The following GAS2 variants were observed in gnomAD, a reference collection of about 807,000 sequenced individuals.
GAS2 encodes the protein growth arrest-specific protein 2.
A neutral mutation model predicts 37.5 loss-of-function variants in GAS2; 20 were observed. The ratio of observed to expected loss-of-function variants is 0.53; its 90% CI spans 0.37 to 0.77. GAS2 has a LOEUF of 0.77. Ranked by LOEUF, GAS2 falls within the 30% of genes least tolerant of loss-of-function variation. GAS2 has a pLI of 0.00. For synonymous variants in GAS2, 144 were observed against 132.2 expected (o/e 1.09, Z -0.61); for missense variants, 336 against 373.4 (o/e 0.90, Z 0.82).
At chr11:22,715,236 C>G (rs1021803387) in intron 3 of GAS2, among the ~76,000 whole-genome samples, 5 of 151,750 alleles carry the variant, frequency 3.3e-5, no homozygotes, top group Admixed American at 6.6e-5. Flanking sequence ...CCAAGGCAGG[C>G]GGATCACCAG....
chr11:22,807,629 C>T (rs569996726), intron 7 of GAS2, among the ~76,000 whole-genome samples: 1 of 152,260 alleles, frequency 6.6e-6, no homozygotes, highest in South Asian at 2.1e-4. Flanking sequence ...TCCTATTGCT[C>T]TCTGCGTGGA....
At chr11:22,656,604 AC>A (rs1406931820) in intron 1 of GAS2, among the ~76,000 whole-genome samples, 2 of 152,254 alleles carry the variant, frequency 1.3e-5, no homozygotes, top group African/African-American at 4.8e-5. Flanking sequence ...TCACGAGTCC[AC>A]AATCAAAAGG....
chr11:22,723,332 G>A (rs1852036141), intron 3 of GAS2, among the ~76,000 whole-genome samples: 1 of 151,948 alleles, frequency 6.6e-6, no homozygotes, highest in East Asian at 1.9e-4. Context: ...CAATATGATT[G>A]CACTGAATTT....
intron 1 of GAS2, among the ~76,000 whole-genome samples, chr11:22,640,550 TA>T (rs1858896815): frequency 6.6e-6 from 1 of 152,144 alleles, no homozygotes; most frequent in Admixed American, 6.6e-5. Flanking sequence ...CTCAAGCATA[TA>T]AAGAGAACTT....
chr11:22,645,291 C>T (rs1232700891), intron 1 of GAS2, among the ~76,000 whole-genome samples: 4 of 152,042 alleles, frequency 2.6e-5, no homozygotes, highest in South Asian at 2.1e-4. Context: ...GGGCAGATCA[C>T]GAGGTAAGGA....
At chr11:22,661,683 A>G (rs915238721), upstream of GAS2, among the ~76,000 whole-genome samples, 1 of 152,192 alleles carries the variant, frequency 6.6e-6, no homozygotes, top group African/African-American at 2.4e-5. Flanking sequence ...GAGGAAAGGC[A>G]TGGAGGTGTA....
At position 22,674,834 on chromosome 11, in the gene GAS2, T is replaced by C; in HGVS notation, c.-20-16T>C. On this transcript the variant is annotated splice_polypyrimidine_tract_variant and intron_variant, in intron 1 of 7. Coordinates refer to ENST00000454584, the MANE Select transcript of GAS2 (RefSeq NM_001143830.3). ...AGTCTGTATAAAAAGCAATTGCTCT[T>C]TTGTTTCCAAAACAGGTATTACAAG... The C allele has an allele frequency of 1.9e-6, 3 of 1,545,946 alleles. No homozygotes were observed. Among genetic ancestry groups the C allele is most frequent in the Non-Finnish European group, 2.6e-6 (3 of 1,148,074 alleles).
chr11:22,809,304 G>A (rs939790047), intron 7 of GAS2, among the ~76,000 whole-genome samples: 4 of 152,062 alleles, frequency 2.6e-5, no homozygotes, highest in Non-Finnish European at 4.4e-5. Context: ...AATGGGGAAG[G>A]AATGTAGCTA....
chr11:22,647,267 G>T (rs1848707968), intron 1 of GAS2, among the ~76,000 whole-genome samples: 1 of 151,660 alleles, frequency 6.6e-6, no homozygotes, highest in Non-Finnish European at 1.5e-5. Context: ...ATTTTTTATG[G>T]CTGCATAGTA....
intron 7 of GAS2, among the ~76,000 whole-genome samples, chr11:22,805,736 C>T (rs1856852896): frequency 6.6e-6 from 1 of 152,126 alleles, no homozygotes; most frequent in Admixed American, 6.5e-5. Context: ...AATGGCTACT[C>T]CATAAACAAA....
At chr11:22,782,739 A>AAT (rs1554908102) in intron 7 of GAS2, among the ~76,000 whole-genome samples, 2,262 of 146,712 alleles carry the variant, frequency 0.015, 77 homozygotes, top group African/African-American at 0.055. Flanking sequence ...AAAAAAAAAA[A>AAT]AATAATAATA....
intron 3 of GAS2, among the ~76,000 whole-genome samples, chr11:22,709,997 C>A (rs1851316357): frequency 1.5e-5 from 2 of 133,196 alleles, no homozygotes; most frequent in African/African-American, 5.8e-5. Flanking sequence ...GAACATCGCA[C>A]TCTGGGGACT....
chr11:22,786,792 C>T (rs534950295), intron 7 of GAS2, among the ~76,000 whole-genome samples: 131 of 152,230 alleles, frequency 8.6e-4, no homozygotes, highest in African/African-American at 3.1e-3. Context: ...TGCTAAATAT[C>T]ACACTGTTAG....
intron 2 of GAS2, among the ~76,000 whole-genome samples, chr11:22,683,984 A>T (rs1251977660): frequency 1.3e-5 from 2 of 152,338 alleles, no homozygotes; most frequent in Admixed American, 6.5e-5. Context: ...CGGAAAACAG[A>T]TCAATGTGTA....
At chr11:22,695,271 G>C (rs928799114) in intron 3 of GAS2, among the ~76,000 whole-genome samples, 1 of 151,914 alleles carries the variant, frequency 6.6e-6, no homozygotes, top group African/African-American at 2.4e-5. Flanking sequence ...AGTTAGCCAA[G>C]ATCACGCCAC....
At chr11:22,697,557 T>C (rs1850595336) in intron 3 of GAS2, among the ~76,000 whole-genome samples, 1 of 152,256 alleles carries the variant, frequency 6.6e-6, no homozygotes, top group Non-Finnish European at 1.5e-5. Context: ...TTCACGATAC[T>C]GATTGTTCCT....
At chr11:22,672,740 G>A (rs1318264161) in intron 1 of GAS2, 1 of 151,926 alleles carries the variant, frequency 6.6e-6, no homozygotes, top group Non-Finnish European at 1.5e-5. Context: ...TTACTTAAAT[G>A]TTTCTGAGGC....
upstream of GAS2, among the ~76,000 whole-genome samples, chr11:22,662,896 T>A (rs750293080): frequency 1.1e-4 from 17 of 151,756 alleles, no homozygotes; most frequent in South Asian, 4.2e-4. Flanking sequence ...AAAAAAAAAA[T>A]AAAAATAAAA....
At chr11:22,696,211 C>G (rs1312053811) in intron 3 of GAS2, among the ~76,000 whole-genome samples, 4 of 150,254 alleles carry the variant, frequency 2.7e-5, no homozygotes, top group Admixed American at 6.7e-5. Flanking sequence ...TTTGTCCTTG[C>G]GATAGTTTAC....
Sources: gnomAD v4.1 joint callset for allele counts (sites outside exome capture counted in the v4.1 genomes callset) on GRCh38, gnomAD v4.1.1 for gene constraint, MANE v1.5 for transcripts, NCBI Gene and HGNC (gene_info 2026-07-23, HGNC 2026-07-21) for gene names.